CPED1: variants seen among roughly 807,000 people sequenced by gnomAD.
CPED1 encodes cadherin-like and PC-esterase domain-containing protein 1.
In CPED1, 114 loss-of-function variants were observed where a neutral mutation model predicts 128.2. The ratio of observed to expected loss-of-function variants is 0.89; its 90% CI spans 0.76 to 1.04. CPED1 has a LOEUF of 1.04. CPED1 is among the 50% of genes least tolerant of loss of function. The pLI, the probability that CPED1 is intolerant of heterozygous loss-of-function variation, is 0.00. For missense variants in CPED1, 1,211 were observed against 1,207.1 expected, an observed-to-expected ratio of 1.00 and a Z score of -0.05; for synonymous variants, 462 against 426.7, an observed-to-expected ratio of 1.08 and a Z score of -1.02.
intron 16 of CPED1, among the ~76,000 whole-genome samples, chr7:121,172,133 T>C (rs1207162424): frequency 6.6e-6 from 1 of 152,178 alleles, no homozygotes; most frequent in Non-Finnish European, 1.5e-5. Flanking sequence ...CATCCCCTGG[T>C]AAGTCCCAGT....
intron 4 of CPED1, among the ~76,000 whole-genome samples, chr7:121,052,322 G>A (rs1793374300): frequency 6.6e-6 from 1 of 152,162 alleles, no homozygotes; most frequent in Non-Finnish European, 1.5e-5. Flanking sequence ...TTTGTTTCCT[G>A]AGCCCCAAAA....
chr7:121,175,889 A>G (rs767039954), intron 16 of CPED1, among the ~76,000 whole-genome samples: 26 of 152,044 alleles, frequency 1.7e-4, no homozygotes, highest in South Asian at 6.2e-4. Context: ...AGTTTTCTAT[A>G]ACAAATAGAT....
intron 7 of CPED1, among the ~76,000 whole-genome samples, chr7:121,116,977 TACAC>T (rs71170227): frequency 1.5e-4 from 18 of 121,706 alleles, no homozygotes; most frequent in East Asian, 2.7e-4. Context: ...TATATATATA[TACAC>T]ACACACACAC....
chr7:121,165,953 G>A (rs1796512641), intron 16 of CPED1, among the ~76,000 whole-genome samples: 1 of 152,104 alleles, frequency 6.6e-6, no homozygotes. Context: ...CTGTACTATT[G>A]AGGGTCATCC....
chr7:121,081,200 A>G (rs1432539336), intron 5 of CPED1, among the ~76,000 whole-genome samples: 1 of 152,204 alleles, frequency 6.6e-6, no homozygotes, highest in Non-Finnish European at 1.5e-5. Context: ...GTTGAAAAAT[A>G]TATTGATAAA....
chr7:121,291,988 T>G (rs1792712983), intron 22 of CPED1, among the ~76,000 whole-genome samples: 1 of 152,120 alleles, frequency 6.6e-6, no homozygotes, highest in Non-Finnish European at 1.5e-5. Context: ...AATGCCTAGT[T>G]GGGGTTGCTC....
chr7:121,096,085 G>A (rs1794691902), intron 5 of CPED1, among the ~76,000 whole-genome samples: 1 of 152,076 alleles, frequency 6.6e-6, no homozygotes, highest in Non-Finnish European at 1.5e-5. Context: ...TTTAAAAGTT[G>A]TGATTCCCAA....
chr7:121,174,764 A>G (rs1322304667), intron 16 of CPED1, among the ~76,000 whole-genome samples: 1 of 152,026 alleles, frequency 6.6e-6, no homozygotes, highest in Admixed American at 6.6e-5. Flanking sequence ...TATGAAGAAT[A>G]TCATTGGTAG....
chr7:120,994,739 G>A (rs1796366974), intron 2 of CPED1, among the ~76,000 whole-genome samples: 1 of 151,892 alleles, frequency 6.6e-6, no homozygotes, highest in Non-Finnish European at 1.5e-5. Context: ...TGTTGGAAAT[G>A]TGCACATGAT....
chr7:121,137,523 C>G (rs1795811219), intron 14 of CPED1, among the ~76,000 whole-genome samples: 1 of 151,910 alleles, frequency 6.6e-6, no homozygotes, highest in South Asian at 2.1e-4. Context: ...TAATTTTCAT[C>G]TAAAATGCAA....
chr7:120,995,972 T>A (rs75769110), intron 2 of CPED1, among the ~76,000 whole-genome samples: 1 of 122,926 alleles, frequency 8.1e-6, no homozygotes, highest in Non-Finnish European at 1.8e-5. Context: ...TCCTCCTCCT[T>A]CTTCTTCTTC....
intron 16 of CPED1, 146 bp downstream of exon 16, chr7:121,142,287 C>T: frequency 1.4e-6 from 1 of 706,758 alleles, no homozygotes; most frequent in Admixed American, 2.7e-5. Flanking sequence ...AGAATCCCAG[C>T]CAGGTATCTA....
chr7:121,177,816 G>A (rs1796818088), intron 16 of CPED1, among the ~76,000 whole-genome samples: 1 of 151,966 alleles, frequency 6.6e-6, no homozygotes, highest in African/African-American at 2.4e-5. Flanking sequence ...TTCCATGCAG[G>A]AAGCATCTGC....
chr7:121,013,125 T>C (rs1254846503), intron 2 of CPED1, among the ~76,000 whole-genome samples: 1 of 152,190 alleles, frequency 6.6e-6, no homozygotes, highest in Non-Finnish European at 1.5e-5. Flanking sequence ...TGTCTTCCCC[T>C]TTCACCTAGA....
intron 18 of CPED1, among the ~76,000 whole-genome samples, chr7:121,262,213 C>T (rs1792034023): frequency 6.6e-6 from 1 of 152,036 alleles, no homozygotes; most frequent in South Asian, 2.1e-4. Flanking sequence ...TGAGACCTCA[C>T]CAGGACTCGA....
intron 16 of CPED1, among the ~76,000 whole-genome samples, chr7:121,198,058 A>G (rs1040659743): frequency 2.6e-5 from 4 of 152,302 alleles, no homozygotes; most frequent in Admixed American, 2.0e-4. Flanking sequence ...TTAGATTGCA[A>G]TAGAGAAAGA....
intron 2 of CPED1, among the ~76,000 whole-genome samples, chr7:121,001,531 A>G (rs1791858923): frequency 6.6e-6 from 1 of 152,158 alleles, no homozygotes; most frequent in African/African-American, 2.4e-5. Context: ...GAATTTACTT[A>G]AAAAATAATA....
At chr7:121,067,580 G>T (rs1024627379) in intron 5 of CPED1, among the ~76,000 whole-genome samples, 2 of 152,160 alleles carry the variant, frequency 1.3e-5, no homozygotes, top group East Asian at 3.9e-4. Context: ...ACATACGTGT[G>T]CATATGTCTT....
intron 7 of CPED1, among the ~76,000 whole-genome samples, chr7:121,112,866 T>TA (rs1219950584): frequency 1.3e-5 from 2 of 152,184 alleles, no homozygotes; most frequent in Non-Finnish European, 2.9e-5. Flanking sequence ...ACTTTCATGT[T>TA]ATGGCAGATT....
Sources: gnomAD v4.1 joint callset for allele counts (sites outside exome capture counted in the v4.1 genomes callset) on GRCh38, gnomAD v4.1.1 for gene constraint, MANE v1.5 for transcripts, NCBI Gene and HGNC (gene_info 2026-07-23, HGNC 2026-07-21) for gene names.